Variants in TMEM196 observed in about 807,000 individuals in gnomAD.
The protein encoded by TMEM196 is transmembrane protein 196.
A neutral mutation model predicts 20.0 loss-of-function variants in TMEM196; 17 were observed. The ratio of observed to expected loss-of-function variants is 0.85; its 90% confidence interval spans 0.58 to 1.27. The LOEUF (loss-of-function observed/expected upper bound fraction) is 1.27. Among genes scored for constraint, TMEM196 ranks in the 50% most tolerant of loss-of-function variants. TMEM196 has a pLI of 0.00. For missense variants in TMEM196, 267 were observed against 223.0 expected, an observed-to-expected ratio of 1.20 and a Z score of -1.26; for synonymous variants, 113 against 88.9, an observed-to-expected ratio of 1.27 and a Z score of -1.52.
intron 1 of TMEM196, among the ~76,000 whole-genome samples, chr7:19,733,207 C>T (rs373148826): frequency 9.9e-5 from 15 of 152,080 alleles, no homozygotes; most frequent in Admixed American, 3.9e-4. Context: ...ACGTGTTGGA[C>T]GAAATGACAT....
At chr7:19,748,229 C>T (rs141473994) in intron 1 of TMEM196, among the ~76,000 whole-genome samples, 2 of 120,846 alleles carry the variant, frequency 1.7e-5, no homozygotes, top group Admixed American at 1.1e-4. Flanking sequence ...CTTCATTCAA[C>T]CTTATAGATT....
chr7:19,757,957 T>C lies in TMEM196; in HGVS notation c.147+14593A>G, dbSNP rs1785282461. 1.4e-5 allele frequency among the ~76,000 whole-genome samples: 2 copies of C among 144,494 alleles called. 1 individual carries two copies. The highest frequency in any genetic ancestry group is 5.1e-5 in the African/African-American group (2 of 38,892). 94.8% of individuals were successfully genotyped at this position (144,494 alleles called of 152,430 possible). A position where few individuals can be genotyped will look rare whatever the true frequency, so the allele number is the denominator to read the frequency against. On this transcript the variant is annotated intron_variant, in intron 1 of 4. Transcript: ENST00000405844. ...ATAGTGTTGAATGAAGCCATTTTTA[T>C]ATATATACTTTTTTTTTTTTTTACT...
chr7:19,753,314 C>T (rs935723201), intron 1 of TMEM196, among the ~76,000 whole-genome samples: 2 of 152,100 alleles, frequency 1.3e-5, no homozygotes, highest in African/African-American at 4.8e-5. Flanking sequence ...CCACCACCAG[C>T]ACCCTACTCC....
At chr7:19,746,978 G>A (rs775047209) in intron 1 of TMEM196, among the ~76,000 whole-genome samples, 4 of 152,134 alleles carry the variant, frequency 2.6e-5, no homozygotes, top group Non-Finnish European at 5.9e-5. Flanking sequence ...AATCCCGGCC[G>A]GGCGTGGTGG....
intron 1 of TMEM196, among the ~76,000 whole-genome samples, chr7:19,755,263 T>C (rs1188056564): frequency 1.3e-5 from 2 of 152,252 alleles, no homozygotes; most frequent in Non-Finnish European, 2.9e-5. Flanking sequence ...TTATTAATTA[T>C]ATATCTGTCA....
chr7:19,726,654 C>G (rs1361416112), intron 2 of TMEM196, among the ~76,000 whole-genome samples: 3 of 152,020 alleles, frequency 2.0e-5, no homozygotes, highest in African/African-American at 7.2e-5. Flanking sequence ...TAATCAACAA[C>G]TATCATAGGA....
At chr7:19,763,703 T>A (rs1785518667) in intron 1 of TMEM196, among the ~76,000 whole-genome samples, 1 of 152,146 alleles carries the variant, frequency 6.6e-6, no homozygotes, top group Non-Finnish European at 1.5e-5. Context: ...AAACGACGAA[T>A]AGAAACCACA....
chr7:19,735,089 A>G (rs1329357303), intron 1 of TMEM196, among the ~76,000 whole-genome samples: 3 of 152,330 alleles, frequency 2.0e-5, no homozygotes, highest in Non-Finnish European at 4.4e-5. Context: ...TAACATTCTT[A>G]TATTACTTAA....
At chr7:19,738,857 C>G (rs987325236) in intron 1 of TMEM196, among the ~76,000 whole-genome samples, 4 of 152,118 alleles carry the variant, frequency 2.6e-5, no homozygotes, top group African/African-American at 9.7e-5. Flanking sequence ...ATATTTTGCT[C>G]TCAAAGAAGT....
chr7:19,725,384 A>G, intron 3 of TMEM196, 130 bp downstream of exon 3: 1 of 1,205,952 alleles, frequency 8.3e-7, no homozygotes, highest in Non-Finnish European at 1.1e-6. Flanking sequence ...TTCTATTCTT[A>G]ACCCAATAGA....
rs1425372025 is a variant in TMEM196, at chr7:19,729,436, A to G, written c.150T>C (p.Phe50=). The part of the protein sequence containing the change: ...HKPQLGDSSP[F]LLCGICGILC... Reference sequence around the variant, plus strand: ...ATATTCCACAAATGCCACAAAGAAGAAACTGAAAAGGAAAAGAAGAACAAT... The same window carrying G: ...ATATTCCACAAATGCCACAAAGAAGGAACTGAAAAGGAAAAGAAGAACAAT... Residue 50 remains phenylalanine (F), a splice_region_variant and synonymous_variant, in exon 2 of 5, where the codon TTT becomes TTC. Coordinates refer to ENST00000405844, the MANE Select transcript of TMEM196 (RefSeq NM_001363562.2). 15 of 1,550,516 alleles carry G rather than the reference A, an allele frequency of 9.7e-6. No homozygotes were observed. In the East Asian group the frequency reaches 3.7e-4, roughly 38 times the overall value.
intron 1 of TMEM196, among the ~76,000 whole-genome samples, chr7:19,756,548 G>A (rs185715089): frequency 1.4e-4 from 22 of 151,832 alleles, no homozygotes; most frequent in African/African-American, 5.3e-4. Context: ...AGGCCCCAGT[G>A]TGTGTTGTTC....
intron 1 of TMEM196, among the ~76,000 whole-genome samples, chr7:19,747,363 C>T (rs1219774411): frequency 6.6e-6 from 1 of 152,014 alleles, no homozygotes; most frequent in African/African-American, 2.4e-5. Context: ...AACCTCTTTA[C>T]AGTTGAGTTG....
rs373534155 is a variant in TMEM196 at position 19,764,776 on chromosome 7, C to T, written c.147+7774G>A. On this transcript the variant is annotated intron_variant, in intron 1 of 4. Coordinates refer to ENST00000405844, the MANE Select transcript of TMEM196 (RefSeq NM_001363562.2). ...TATCTTAGATGCAAAATTCTGGTAA[C>T]ATGGAGGTTGTGCTTGTTGATTGAT... Among the ~76,000 whole-genome samples the T allele has an allele frequency of 1.2e-4, 19 of 152,194 alleles. No individual in the cohort carries two copies. In the East Asian group the frequency reaches 2.1e-3, roughly 17 times the overall value.
At chr7:19,749,525 CT>C (rs151099461) in intron 1 of TMEM196, among the ~76,000 whole-genome samples, 4,326 of 152,000 alleles carry the variant, frequency 0.028, 167 homozygotes, top group East Asian at 0.18. Context: ...AAGTTCTGCT[CT>C]TTTTTTTAAA....
At chr7:19,770,315 T>G (rs1554301503) in intron 1 of TMEM196, among the ~76,000 whole-genome samples, 2 of 152,174 alleles carry the variant, frequency 1.3e-5, no homozygotes, top group Non-Finnish European at 2.9e-5. Flanking sequence ...ATCTTTATAG[T>G]ATTGGTAGTA....
At chr7:19,746,976 C>A (rs1363335126) in intron 1 of TMEM196, among the ~76,000 whole-genome samples, 1 of 152,166 alleles carries the variant, frequency 6.6e-6, no homozygotes, top group African/African-American at 2.4e-5. Flanking sequence ...AAAATCCCGG[C>A]CGGGCGTGGT....
At chr7:19,736,878 T>C (rs565429198) in intron 1 of TMEM196, among the ~76,000 whole-genome samples, 2 of 152,140 alleles carry the variant, frequency 1.3e-5, no homozygotes, top group South Asian at 4.1e-4. Flanking sequence ...GTGCCTTTCA[T>C]CATTGCTAAT....
intron 1 of TMEM196, among the ~76,000 whole-genome samples, chr7:19,744,713 A>C (rs943809899): frequency 6.6e-6 from 1 of 152,214 alleles, no homozygotes; most frequent in African/African-American, 2.4e-5. Flanking sequence ...GAATGACCCC[A>C]AATGGAAACA....
Sources: allele counts gnomAD v4.1 joint callset (sites outside exome capture counted in the v4.1 genomes callset), GRCh38; gene constraint gnomAD v4.1.1; transcripts MANE v1.5; gene names NCBI Gene and HGNC (gene_info 2026-07-23, HGNC 2026-07-21).